CDYL2: variants seen among roughly 807,000 people sequenced by gnomAD.
CDYL2 encodes chromodomain Y like 2.
Under a neutral mutation model 49.4 loss-of-function variants are expected in CDYL2, and 23 were observed. The observed-to-expected ratio is 0.47, with a 90% confidence interval of 0.34 to 0.66. CDYL2 has a LOEUF of 0.66. Ranked by LOEUF, CDYL2 falls within the 30% of genes least tolerant of loss-of-function variation. CDYL2 has a pLI of 0.01. For synonymous variants in CDYL2, 360 were observed against 268.8 expected (o/e 1.34, Z -3.32); for missense variants, 678 against 656.4 (o/e 1.03, Z -0.36).
rs550928946 is a variant in CDYL2 at position 80,801,709 on chromosome 16, G to A, written c.24+2441C>T. Among the ~76,000 whole-genome samples, 110 of 152,292 alleles carry A rather than the reference G, an allele frequency of 7.2e-4. No individual in the cohort carries two copies. In the Middle Eastern group the frequency reaches 0.01, roughly 14 times the overall value. Reference sequence around the variant, plus strand: ...TTTTCTTTTTTTCCTTTCAAGGCCAGTCAACATACACTGGATATTCCAATA... The same window carrying A: ...TTTTCTTTTTTTCCTTTCAAGGCCAATCAACATACACTGGATATTCCAATA... On this transcript the variant is annotated intron_variant, in intron 1 of 6. Transcript: ENST00000570137.
intron 4 of CDYL2, among the ~76,000 whole-genome samples, chr16:80,620,058 A>T (rs1018088837): frequency 1.3e-5 from 2 of 152,192 alleles, no homozygotes; most frequent in Admixed American, 1.3e-4. Flanking sequence ...TAAGCAAGAT[A>T]CAGCAGCACC....
chr16:80,762,294 T>C (rs541879831), intron 1 of CDYL2, among the ~76,000 whole-genome samples: 15 of 152,158 alleles, frequency 9.9e-5, no homozygotes, highest in African/African-American at 3.4e-4. Context: ...ATTCTGACTA[T>C]ACAAATGCAG....
At chr16:80,643,153 C>A (rs371780785) in intron 2 of CDYL2, among the ~76,000 whole-genome samples, 6 of 152,252 alleles carry the variant, frequency 3.9e-5, no homozygotes, top group African/African-American at 1.4e-4. Flanking sequence ...GAGAAATTGG[C>A]CAAAACAAAG....
intron 1 of CDYL2, among the ~76,000 whole-genome samples, chr16:80,721,151 A>G (rs1475317227): frequency 6.6e-6 from 1 of 152,182 alleles, no homozygotes; most frequent in East Asian, 1.9e-4. Flanking sequence ...CAGTGCTACT[A>G]AGAACAACCA....
chr16:80,719,484 T>G (rs1038567976), intron 1 of CDYL2, among the ~76,000 whole-genome samples: 1 of 152,192 alleles, frequency 6.6e-6, no homozygotes, highest in Non-Finnish European at 1.5e-5. Context: ...CATGGAGGAA[T>G]AGGGGTTCAT....
intron 3 of CDYL2, 127 bp from the exon 4 acceptor site, chr16:80,621,062 T>A: frequency 9.4e-7 from 1 of 1,060,592 alleles, no homozygotes; most frequent in Non-Finnish European, 1.3e-6. Flanking sequence ...CTTCTGCCTG[T>A]GCAGGGAGCC....
intron 2 of CDYL2, among the ~76,000 whole-genome samples, chr16:80,674,741 C>T (rs1039633460): frequency 6.6e-6 from 1 of 152,194 alleles, no homozygotes; most frequent in South Asian, 2.1e-4. Flanking sequence ...TCCACGTTGC[C>T]GCATATGTCC....
intron 3 of CDYL2, among the ~76,000 whole-genome samples, chr16:80,629,028 C>G (rs1350462968): frequency 1.3e-5 from 2 of 152,116 alleles, no homozygotes; most frequent in Non-Finnish European, 2.9e-5. Flanking sequence ...CAGGTGTAAG[C>G]ATGAAAGCAA....
intron 1 of CDYL2, among the ~76,000 whole-genome samples, chr16:80,763,063 G>C (rs1055867542): frequency 6.6e-6 from 1 of 152,270 alleles, no homozygotes; most frequent in South Asian, 2.1e-4. Flanking sequence ...AGCTACTTGG[G>C]AGGCTGAGGC....
At chr16:80,691,076 A>G (rs1910396188) in intron 1 of CDYL2, among the ~76,000 whole-genome samples, 1 of 152,056 alleles carries the variant, frequency 6.6e-6, no homozygotes, top group Admixed American at 6.6e-5. Context: ...AAGAACAGAG[A>G]AAGAAGACAT....
At chr16:80,734,865 C>T (rs558563279) in intron 1 of CDYL2, among the ~76,000 whole-genome samples, 2 of 152,256 alleles carry the variant, frequency 1.3e-5, no homozygotes, top group African/African-American at 4.8e-5. Context: ...ATGGACCTGC[C>T]ACCACGATAT....
At chr16:80,776,394 T>C (rs1907084137) in intron 1 of CDYL2, among the ~76,000 whole-genome samples, 1 of 152,074 alleles carries the variant, frequency 6.6e-6, no homozygotes, top group Non-Finnish European at 1.5e-5. Context: ...AGAATTTATC[T>C]TCAATAATCT....
At chr16:80,733,567 C>A (rs533549897) in intron 1 of CDYL2, among the ~76,000 whole-genome samples, 5 of 152,300 alleles carry the variant, frequency 3.3e-5, no homozygotes, top group Middle Eastern at 6.8e-3. Flanking sequence ...GACATCATCA[C>A]TATGCCAAGA....
intron 1 of CDYL2, among the ~76,000 whole-genome samples, chr16:80,698,203 A>G (rs1904283818): frequency 6.6e-6 from 1 of 152,144 alleles, no homozygotes; most frequent in Admixed American, 6.5e-5. Context: ...TAGACACAAG[A>G]TTTCATGGCT....
intron 1 of CDYL2, among the ~76,000 whole-genome samples, chr16:80,731,000 G>T (rs1905308171): frequency 6.6e-6 from 1 of 152,116 alleles, no homozygotes; most frequent in African/African-American, 2.4e-5. Context: ...GGAAACATCT[G>T]GAAAATGATA....
intron 2 of CDYL2, among the ~76,000 whole-genome samples, chr16:80,675,206 T>A (rs1484889189): frequency 6.6e-6 from 1 of 152,202 alleles, no homozygotes; most frequent in Non-Finnish European, 1.5e-5. Context: ...GTACCTTTCT[T>A]CATTTACAAA....
At chr16:80,768,582 C>A (rs1320392643) in intron 1 of CDYL2, among the ~76,000 whole-genome samples, 1 of 152,184 alleles carries the variant, frequency 6.6e-6, no homozygotes, top group Admixed American at 6.5e-5. Context: ...ATCAAGGTCC[C>A]TCTAGCCTCT....
At chr16:80,704,489 C>T (rs1041386276) in intron 1 of CDYL2, among the ~76,000 whole-genome samples, 5 of 152,248 alleles carry the variant, frequency 3.3e-5, no homozygotes, top group African/African-American at 1.2e-4. Context: ...GGACAGCCAG[C>T]TTCTAATACA....
At chr16:80,749,937 G>A (rs187187698) in intron 1 of CDYL2, among the ~76,000 whole-genome samples, 61 of 152,174 alleles carry the variant, frequency 4.0e-4, no homozygotes, top group Non-Finnish European at 5.4e-4. Flanking sequence ...CCTTTGTAGG[G>A]ACATGGATGA....
Sources: gnomAD v4.1 joint callset for allele counts (sites outside exome capture counted in the v4.1 genomes callset) on GRCh38, gnomAD v4.1.1 for gene constraint, MANE v1.5 for transcripts, NCBI Gene and HGNC (gene_info 2026-07-23, HGNC 2026-07-21) for gene names.